The following ARHGEF28 variants were observed in gnomAD, a reference collection of about 807,000 sequenced individuals.
ARHGEF28 encodes the protein Rho guanine nucleotide exchange factor 28.
Under a neutral mutation model 206.6 loss-of-function variants are expected in ARHGEF28, and 152 were observed. The ratio of observed to expected loss-of-function variants is 0.74; its 90% confidence interval spans 0.64 to 0.84. The LOEUF is 0.84. ARHGEF28 is among the 40% of genes least tolerant of loss of function. The pLI is 0.00. For synonymous variants in ARHGEF28, 763 were observed against 776.4 expected (o/e 0.98, Z 0.29); for missense variants, 2,028 against 2,073.2 (o/e 0.98, Z 0.42).
chr5:73,785,814 C>A (rs764937226), intron 7 of ARHGEF28, among the ~76,000 whole-genome samples: 6 of 152,064 alleles, frequency 3.9e-5, no homozygotes, highest in Non-Finnish European at 7.4e-5. Context: ...ACATGTGTTA[C>A]AATCACCAAG....
At chr5:73,688,934 G>A (rs1747641228) in intron 2 of ARHGEF28, among the ~76,000 whole-genome samples, 1 of 152,242 alleles carries the variant, frequency 6.6e-6, no homozygotes, top group Non-Finnish European at 1.5e-5. Context: ...GATTACAGGT[G>A]TGAGCCATCA....
rs111255838 is a variant in ARHGEF28 at position 73,811,067 on chromosome 5, C to T, written c.1024+15676C>T. 2.4e-3 allele frequency among the ~76,000 whole-genome samples: 358 copies of T among 152,138 alleles called. 2 individuals are homozygous for T. The highest frequency in any genetic ancestry group is 6.2e-3 in the African/African-American group (256 of 41,408). On this transcript the variant is annotated intron_variant, in intron 9 of 35. Transcript: ENST00000513042. Reference sequence around the variant, plus strand: ...GGATGAGGACTTTAGTATTTCTAACCGCCTTGGAAATTTTGCATTTCAAAG... The same window carrying T: ...GGATGAGGACTTTAGTATTTCTAACTGCCTTGGAAATTTTGCATTTCAAAG...
At chr5:73,834,762 G>A (rs1757518747) in intron 10 of ARHGEF28, among the ~76,000 whole-genome samples, 1 of 152,096 alleles carries the variant, frequency 6.6e-6, no homozygotes, top group African/African-American at 2.4e-5. Flanking sequence ...GTAACATGCT[G>A]TATAGATTTG....
At chr5:73,637,385 G>A (rs1743791788) in intron 1 of ARHGEF28, among the ~76,000 whole-genome samples, 1 of 152,098 alleles carries the variant, frequency 6.6e-6, no homozygotes, top group Admixed American at 6.5e-5. Flanking sequence ...TCCTCAAAAA[G>A]AGATAGCAAA....
intron 9 of ARHGEF28, among the ~76,000 whole-genome samples, chr5:73,806,404 A>C (rs1164630114): frequency 7.7e-6 from 1 of 129,390 alleles, no homozygotes; most frequent in African/African-American, 3.0e-5. Flanking sequence ...ATATACATAT[A>C]TAGATATATA....
chr5:73,917,072 C>T (rs1763252921), intron 35 of ARHGEF28, among the ~76,000 whole-genome samples: 2 of 152,060 alleles, frequency 1.3e-5, no homozygotes. Flanking sequence ...GGTTTATTTC[C>T]TACTTATAGT....
Position 73,941,923 on chromosome 5 carries a change from G to T in ARHGEF28, c.*910G>T, listed in dbSNP as rs1328321517. The T allele has an allele frequency of 6.6e-6, 1 of 152,118 alleles. No individual in the cohort carries two copies. The highest frequency in any genetic ancestry group is 1.9e-4 in the East Asian group (1 of 5,188). 9.4% of individuals were successfully genotyped at this position (152,118 alleles called of 1,614,324 possible). On this transcript the variant is annotated 3_prime_UTR_variant, in exon 36 of 36. Transcript: ENST00000513042. ...GTATGGGTCTCTGTGTGAGAAACCA[G>T]GAGATATTTTCATCTTGTTCGGAAA...
chr5:73,909,579 T>TCAGCACCAGCTC lies in ARHGEF28; in HGVS notation c.4335_4346dup (p.His1445_Gln1448dup), dbSNP rs1256930527. ...AGGAGCTGGCCAATGTGCACCAGCT[T>TCAGCACCAGCTC]CAGCACCAGCTCCAGCAGGAGCAGC... On this transcript the variant is annotated inframe_insertion, in exon 34 of 36. Coordinates refer to ENST00000513042, the MANE Select transcript of ARHGEF28 (RefSeq NM_001177693.2). 3.2e-6 allele frequency: 5 copies of TCAGCACCAGCTC among 1,563,936 alleles called. No homozygotes were observed. Among genetic ancestry groups the TCAGCACCAGCTC allele is most frequent in the East Asian group, 2.4e-5 (1 of 41,878 alleles).
In ARHGEF28 at chr5:73,793,534, A is replaced by G. The variant is rs187525524; in HGVS notation, c.911-868A>G. Among the ~76,000 whole-genome samples, 79 of 152,342 alleles carry G rather than the reference A, an allele frequency of 5.2e-4. 1 individual carries two copies. Among genetic ancestry groups the G allele is most frequent in the Non-Finnish European group, 3.8e-4 (26 of 68,036 alleles). On this transcript the variant is annotated intron_variant, in intron 7 of 35. Transcript: ENST00000513042. ...CTTCAGGCGTTTCCCCAGGATTAGC[A>G]TAAAGCAGGGCTGTGGGGGAAGGGA...
intron 9 of ARHGEF28, among the ~76,000 whole-genome samples, chr5:73,810,385 T>A (rs1755774089): frequency 6.6e-6 from 1 of 152,252 alleles, no homozygotes; most frequent in African/African-American, 2.4e-5. Context: ...CAACAAGGAC[T>A]GCATTTGGAA....
At position 73,882,465 on chromosome 5, in the gene ARHGEF28, C is replaced by A. The variant is rs1199259168; in HGVS notation, c.2815-7C>A. The A allele has an allele frequency of 2.1e-6, 3 of 1,411,858 alleles. No individual in the cohort carries two copies. Among genetic ancestry groups the A allele is most frequent in the Non-Finnish European group, 2.8e-6 (3 of 1,057,194 alleles). 87.5% of individuals were successfully genotyped at this position (1,411,858 alleles called of 1,614,324 possible). Reference sequence around the variant, plus strand: ...TACAAACCATTATTTAAATGTTATTCTTCCAGTTTTCAGAAGAAAATGCAA... The same window carrying A: ...TACAAACCATTATTTAAATGTTATTATTCCAGTTTTCAGAAGAAAATGCAA... On this transcript the variant is annotated splice_polypyrimidine_tract_variant and splice_region_variant and intron_variant, in intron 22 of 35. Coordinates refer to ENST00000513042, the MANE Select transcript of ARHGEF28 (RefSeq NM_001177693.2).
chr5:73,802,928 G>A (rs1197434946), intron 9 of ARHGEF28, among the ~76,000 whole-genome samples: 2 of 147,674 alleles, frequency 1.4e-5, no homozygotes, highest in Non-Finnish European at 3.0e-5. Context: ...GTGTTGGTAG[G>A]CTTGTTTTAT....
chr5:73,685,135 C>G (rs1472626274), intron 2 of ARHGEF28, among the ~76,000 whole-genome samples: 2 of 152,122 alleles, frequency 1.3e-5, no homozygotes, highest in African/African-American at 4.8e-5. Context: ...TTCAAACACT[C>G]AGTTCACTCA....
chr5:73,787,385 C>T (rs917577625), intron 7 of ARHGEF28, among the ~76,000 whole-genome samples: 1 of 152,140 alleles, frequency 6.6e-6, no homozygotes, highest in Admixed American at 6.5e-5. Flanking sequence ...CTGTTGCTTT[C>T]ATTTAGTATT....
intron 29 of ARHGEF28, among the ~76,000 whole-genome samples, chr5:73,897,471 G>A (rs1415595099): frequency 6.6e-6 from 1 of 152,228 alleles, no homozygotes; most frequent in Non-Finnish European, 1.5e-5. Context: ...CTAAAGATAA[G>A]TGTAGGGAAA....
At position 73,819,947 on chromosome 5, in the gene ARHGEF28, G is replaced by A. The variant is rs1009411715; in HGVS notation, c.1025-12391G>A. Among the ~76,000 whole-genome samples the A allele has an allele frequency of 5.3e-5, 8 of 152,106 alleles. No individual in the cohort carries two copies. In the South Asian group the frequency reaches 8.3e-4, roughly 16 times the overall value. ...TATCTCCTGTGTCACTCTGCCTTGC[G>A]TACGTTTTTAGGAAAGGCCCTCTCG... is the stretch of plus-strand genomic sequence containing the variant. On this transcript the variant is annotated intron_variant, in intron 9 of 35. Coordinates refer to ENST00000513042, the MANE Select transcript of ARHGEF28 (RefSeq NM_001177693.2).
rs1238839918 is a variant in ARHGEF28, at chr5:73,732,035, A to G, written c.34-17802A>G. Among the ~76,000 whole-genome samples, 10 of 133,926 alleles carry G rather than the reference A, an allele frequency of 7.5e-5. No homozygotes were observed. In the Admixed American group the frequency reaches 7.5e-4, roughly 10 times the overall value. 87.9% of individuals were successfully genotyped at this position (133,926 alleles called of 152,430 possible). The stretch of plus-strand genomic sequence containing the variant: ...GTGAACTTTTTTTTTTTTTTTTTTT[A>G]ACAATTGATGAACTAACATTGACAC... On this transcript the variant is annotated intron_variant, in intron 2 of 35. Transcript: ENST00000513042.
chr5:73,802,274 G>C (rs1272701784), intron 9 of ARHGEF28, among the ~76,000 whole-genome samples: 6 of 152,148 alleles, frequency 3.9e-5, no homozygotes, highest in Non-Finnish European at 8.8e-5. Flanking sequence ...GTAATTTGCT[G>C]TCACAGGGTC....
At chr5:73,935,693 A>G (rs781319217) in intron 35 of ARHGEF28, among the ~76,000 whole-genome samples, 1 of 152,212 alleles carries the variant, frequency 6.6e-6, no homozygotes, top group Non-Finnish European at 1.5e-5. Flanking sequence ...AGTAATGATA[A>G]AGCCCCCCGC....
Sources: gnomAD v4.1 joint callset for allele counts (sites outside exome capture counted in the v4.1 genomes callset) on GRCh38, gnomAD v4.1.1 for gene constraint, MANE v1.5 for transcripts, NCBI Gene and HGNC (gene_info 2026-07-23, HGNC 2026-07-21) for gene names.